Variants in ATF7 observed in about 807,000 individuals in gnomAD.
ATF7 encodes the protein cyclic AMP-dependent transcription factor ATF-7.
Under a neutral mutation model 50.4 loss-of-function variants are expected in ATF7, and 10 were observed. That is an observed-to-expected ratio of 0.20 (90% CI 0.12 to 0.34). The LOEUF is 0.34. Ranked by LOEUF, ATF7 falls within the 10% of genes least tolerant of loss-of-function variation. ATF7 has a pLI of 1.00. For synonymous variants in ATF7, 201 were observed against 226.4 expected (o/e 0.89, Z 1.01); for missense variants, 465 against 613.9 (o/e 0.76, Z 2.56).
chr12:53,624,845 C>T (rs567703456), intron 1 of ATF7, among the ~76,000 whole-genome samples: 8 of 152,322 alleles, frequency 5.3e-5, no homozygotes, highest in South Asian at 2.1e-4. Context: ...AAACTGCAAC[C>T]ACCCATTCGA....
chr12:53,604,572 A>G (rs1319424876), intron 1 of ATF7, among the ~76,000 whole-genome samples: 1 of 152,220 alleles, frequency 6.6e-6, no homozygotes. Flanking sequence ...ATAAGAAAAA[A>G]GAATGCAGAT....
chr12:53,608,907 G>C (rs1230026775), intron 1 of ATF7, among the ~76,000 whole-genome samples: 1 of 152,144 alleles, frequency 6.6e-6, no homozygotes, highest in Non-Finnish European at 1.5e-5. Flanking sequence ...TAAGATTCCA[G>C]TTAACACATG....
intron 2 of ATF7, chr12:53,575,809 T>C (rs1216109523): frequency 6.5e-6 from 1 of 152,986 alleles, no homozygotes; most frequent in East Asian, 1.9e-4. Flanking sequence ...GTAAGACTTC[T>C]TATAGAAGGC....
chr12:53,593,777 C>T (rs547167309), intron 2 of ATF7, among the ~76,000 whole-genome samples: 2 of 152,198 alleles, frequency 1.3e-5, no homozygotes, highest in South Asian at 4.1e-4. Context: ...GAAGACTTTA[C>T]TAACAGCTTC....
At chr12:53,525,252 C>T (rs989138498) in intron 9 of ATF7, among the ~76,000 whole-genome samples, 4 of 152,200 alleles carry the variant, frequency 2.6e-5, no homozygotes, top group African/African-American at 9.7e-5. Flanking sequence ...ACTTGGGAGG[C>T]TGAGGCAGGA....
Position 53,517,123 on chromosome 12 carries a change from C to T in ATF7, c.*14G>A. The T allele has an allele frequency of 6.2e-7, 1 of 1,607,492 alleles. No individual in the cohort carries two copies. Among genetic ancestry groups the T allele is most frequent in the Non-Finnish European group, 8.5e-7 (1 of 1,179,406 alleles). On this transcript the variant is annotated 3_prime_UTR_variant, in exon 12 of 12. Transcript: ENST00000420353. ...GGCGAGCTCTGGCTGAGGACCTCTC[C>T]ACCAGAGGAGGCATCATCTGCCCGC...
intron 4 of ATF7, among the ~76,000 whole-genome samples, chr12:53,538,843 A>G (rs1436336755): frequency 6.6e-6 from 1 of 152,148 alleles, no homozygotes; most frequent in Non-Finnish European, 1.5e-5. Context: ...ATTTTCCCCA[A>G]TCTGAGGAGG....
chr12:53,543,668 C>T (rs6580952), intron 3 of ATF7, among the ~76,000 whole-genome samples: 83,794 of 151,824 alleles, frequency 0.55, 23,944 homozygotes, highest in East Asian at 0.96. Flanking sequence ...GGGGGAAGAC[C>T]GAACAGTATT....
intron 2 of ATF7, among the ~76,000 whole-genome samples, chr12:53,572,549 T>C (rs895536782): frequency 3.9e-5 from 6 of 152,188 alleles, no homozygotes; most frequent in Non-Finnish European, 8.8e-5. Context: ...GGGAAATTTC[T>C]TGTGCTTTTG....
chr12:53,528,594 C>T (rs796868509), intron 9 of ATF7, among the ~76,000 whole-genome samples: 39 of 152,182 alleles, frequency 2.6e-4, no homozygotes, highest in African/African-American at 8.7e-4. Flanking sequence ...GAAACCCCGT[C>T]TCTACTGAAA....
chr12:53,522,861 C>T (rs1287012520), intron 11 of ATF7, among the ~76,000 whole-genome samples: 1 of 152,186 alleles, frequency 6.6e-6, no homozygotes, highest in Non-Finnish European at 1.5e-5. Flanking sequence ...AGCAAGACTC[C>T]GTCTCAAACA....
Position 53,524,963 on chromosome 12 carries a change from A to G in ATF7, c.928-202T>C, listed in dbSNP as rs758973400. ...CCTCCTATTTCCTTCCAGTCTTCTC[A>G]GTCTCATACTTAGACAAACTACAGT... On this transcript the variant is annotated intron_variant, in intron 9 of 11. Transcript: ENST00000420353. The surrounding 1 kb of genome is among the most constrained non-coding windows in gnomAD (Gnocchi z 4.6). The G allele has an allele frequency of 5.5e-6, 3 of 542,900 alleles. No homozygotes were observed. Among genetic ancestry groups the G allele is most frequent in the Non-Finnish European group, 9.6e-6 (3 of 311,298 alleles). 33.6% of individuals were successfully genotyped at this position (542,900 alleles called of 1,614,324 possible). A position where few individuals can be genotyped will look rare whatever the true frequency, so the allele number is the denominator to read the frequency against.
chr12:53,562,623 G>A (rs573248993), intron 2 of ATF7, among the ~76,000 whole-genome samples: 111 of 150,916 alleles, frequency 7.4e-4, no homozygotes, highest in African/African-American at 2.5e-3. Context: ...GGACAAGAGC[G>A]AAACTTCATC....
At chr12:53,602,233 C>T (rs2137829441) in intron 1 of ATF7, among the ~76,000 whole-genome samples, 1 of 152,276 alleles carries the variant, frequency 6.6e-6, no homozygotes, top group Middle Eastern at 3.4e-3. Flanking sequence ...AGAGGAACTA[C>T]AATTTGAATA....
chr12:53,543,557 G>C (rs1939699552), intron 3 of ATF7, 109 bp from the exon 4 acceptor site: 1 of 1,258,874 alleles, frequency 7.9e-7, no homozygotes, highest in Non-Finnish European at 1.1e-6. Context: ...TGGAGAGAGA[G>C]TCTTTGTGTT....
chr12:53,597,442 G>C (rs1008079436), intron 2 of ATF7, among the ~76,000 whole-genome samples: 4 of 152,118 alleles, frequency 2.6e-5, no homozygotes, highest in Non-Finnish European at 5.9e-5. Context: ...CTGAGTTTAG[G>C]AATGCATAGG....
At chr12:53,553,742 C>CG (rs1940531576) in intron 2 of ATF7, among the ~76,000 whole-genome samples, 9 of 152,160 alleles carry the variant, frequency 5.9e-5, no homozygotes, top group Admixed American at 5.9e-4. Flanking sequence ...AACATGGTTC[C>CG]GTTTGTCTTT....
At chr12:53,538,695 C>T (rs1939365771) in intron 4 of ATF7, among the ~76,000 whole-genome samples, 1 of 152,204 alleles carries the variant, frequency 6.6e-6, no homozygotes, top group East Asian at 1.9e-4. Context: ...ATCCTGTATC[C>T]CAGGCTTCTT....
intron 3 of ATF7, among the ~76,000 whole-genome samples, chr12:53,545,789 T>TA (rs1485683581): frequency 1.3e-5 from 2 of 152,188 alleles, no homozygotes; most frequent in Admixed American, 1.3e-4. Context: ...GGGCAGTGGC[T>TA]AAGGCCTGTA....
Sources: allele counts gnomAD v4.1 joint callset (sites outside exome capture counted in the v4.1 genomes callset), GRCh38; gene constraint gnomAD v4.1.1; non-coding constraint Gnocchi (gnomAD v3.1); transcripts MANE v1.5; gene names NCBI Gene and HGNC (gene_info 2026-07-23, HGNC 2026-07-21).